The following TOX variants were observed in gnomAD, a reference collection of about 807,000 sequenced individuals.
TOX encodes the protein thymocyte selection associated high mobility group box, also known as thymocyte selection-associated high mobility group box protein TOX.
In TOX, 11 loss-of-function variants were observed where a neutral mutation model predicts 53.7. The observed-to-expected ratio is 0.20, with a 90% CI of 0.13 to 0.34. TOX has a LOEUF of 0.34. Ranked by LOEUF, TOX falls within the 10% of genes least tolerant of loss-of-function variation. The pLI is 1.00. For missense variants in TOX, 570 were observed against 664.6 expected (o/e 0.86, Z 1.56); for synonymous variants, 225 against 245.3 (o/e 0.92, Z 0.77).
rs186718265 is a variant in TOX, at chr8:58,897,042, G to A, written c.411+42260C>T. 5.6e-3 allele frequency among the ~76,000 whole-genome samples: 847 copies of A among 152,150 alleles called. 8 individuals carry two copies. Among genetic ancestry groups the A allele is most frequent in the African/African-American group, 0.019 (791 of 41,506 alleles). On this transcript the variant is annotated intron_variant, in intron 3 of 8. Coordinates refer to ENST00000361421, the MANE Select transcript of TOX (RefSeq NM_014729.3). ...TGTAATTCTTAAAATATTAACCCTG[G>A]AGATAATAATAAAAATATTCCTAAT...
chr8:58,860,494 T>TAAG (rs1393349057), intron 3 of TOX, among the ~76,000 whole-genome samples: 1 of 152,206 alleles, frequency 6.6e-6, no homozygotes, highest in African/African-American at 2.4e-5. Flanking sequence ...GAGGATTAAC[T>TAAG]AAGATAAGGA....
At chr8:58,866,123 C>T (rs1811097109) in intron 3 of TOX, among the ~76,000 whole-genome samples, 1 of 152,216 alleles carries the variant, frequency 6.6e-6, no homozygotes, top group South Asian at 2.1e-4. Flanking sequence ...GCATGAGCCA[C>T]TGTGCCTGGC....
rs187748940 is a variant in TOX at position 59,072,611 on chromosome 8, C to T, written c.102+46275G>A. ...TGAACATAGCCACGTAGTTGCATTT[C>T]ACAGAAATGTGAAACTACTGAGACC... On this transcript the variant is annotated intron_variant, in intron 1 of 8. Coordinates refer to ENST00000361421, the MANE Select transcript of TOX (RefSeq NM_014729.3). Among the ~76,000 whole-genome samples, 331 of 152,300 alleles carry T rather than the reference C, an allele frequency of 2.2e-3. 1 individual carries two copies. Among genetic ancestry groups the T allele is most frequent in the Non-Finnish European group, 2.3e-3 (157 of 68,004 alleles).
intron 3 of TOX, among the ~76,000 whole-genome samples, chr8:58,936,681 A>T (rs1190423382): frequency 2.6e-5 from 4 of 152,180 alleles, no homozygotes; most frequent in African/African-American, 9.7e-5. Context: ...TTTATAGTGT[A>T]TCAGACTCTG....
At chr8:59,061,485 A>G (rs989309051) in intron 1 of TOX, among the ~76,000 whole-genome samples, 2 of 152,168 alleles carry the variant, frequency 1.3e-5, no homozygotes, top group Non-Finnish European at 2.9e-5. Flanking sequence ...TTTCTCTGTG[A>G]TGGCCTCTTC....
At chr8:58,939,025 G>A (rs748715765) in intron 3 of TOX, among the ~76,000 whole-genome samples, 5 of 152,116 alleles carry the variant, frequency 3.3e-5, no homozygotes, top group Admixed American at 6.5e-5. Flanking sequence ...CTGGTAAGCC[G>A]GTTTGACTCT....
intron 1 of TOX, among the ~76,000 whole-genome samples, chr8:58,976,567 T>C (rs937957836): frequency 1.3e-5 from 2 of 152,228 alleles, no homozygotes; most frequent in East Asian, 3.8e-4. Context: ...TGAATGTTCT[T>C]AATGGCAACT....
chr8:59,084,472 A>AT (rs1804473374), intron 1 of TOX, among the ~76,000 whole-genome samples: 1 of 152,176 alleles, frequency 6.6e-6, no homozygotes, highest in South Asian at 2.1e-4. Flanking sequence ...ATATCATGTT[A>AT]TTTTAAACTA....
chr8:58,995,374 C>T (rs944314131), intron 1 of TOX, among the ~76,000 whole-genome samples: 2 of 152,130 alleles, frequency 1.3e-5, no homozygotes, highest in Non-Finnish European at 2.9e-5. Flanking sequence ...CTTAGGAATC[C>T]CAAATTTCTT....
chr8:59,114,006 G>A (rs879608849), intron 1 of TOX, among the ~76,000 whole-genome samples: 3 of 152,036 alleles, frequency 2.0e-5, no homozygotes, highest in Non-Finnish European at 4.4e-5. Flanking sequence ...CACAAAAAAC[G>A]TATGACCACT....
At chr8:58,824,547 T>C (rs1810336099) in intron 6 of TOX, among the ~76,000 whole-genome samples, 1 of 152,218 alleles carries the variant, frequency 6.6e-6, no homozygotes, top group South Asian at 2.1e-4. Flanking sequence ...TAGCACTGCC[T>C]GGCCAGCTCT....
At chr8:58,963,395 GT>G (rs1307028638) in intron 1 of TOX, among the ~76,000 whole-genome samples, 1 of 152,044 alleles carries the variant, frequency 6.6e-6, no homozygotes, top group Non-Finnish European at 1.5e-5. Context: ...CATCCAGTTG[GT>G]TTTGTTTCTC....
intron 6 of TOX, among the ~76,000 whole-genome samples, chr8:58,824,900 C>T (rs2129165664): frequency 6.6e-6 from 1 of 152,240 alleles, no homozygotes; most frequent in East Asian, 1.9e-4. Flanking sequence ...TTGGTTGGCA[C>T]ATGGTGGTTC....
intron 1 of TOX, among the ~76,000 whole-genome samples, chr8:58,984,544 G>A (rs955843445): frequency 6.6e-6 from 1 of 152,118 alleles, no homozygotes; most frequent in African/African-American, 2.4e-5. Context: ...CGTAATCCCA[G>A]CACTTTGGGA....
At chr8:59,002,715 G>T (rs1420143254) in intron 1 of TOX, among the ~76,000 whole-genome samples, 1 of 151,966 alleles carries the variant, frequency 6.6e-6, no homozygotes, top group Admixed American at 6.6e-5. Context: ...TAGTTATAAT[G>T]ATTTTTCTTA....
rs1439720472 is a variant in TOX at position 58,806,679 on chromosome 8, T to C, written c.*1068A>G. On this transcript the variant is annotated 3_prime_UTR_variant, in exon 9 of 9. Coordinates refer to ENST00000361421, the MANE Select transcript of TOX (RefSeq NM_014729.3). ...TGAAAAGCAGGTTTGGCTTTATTCA[T>C]GTTACTGTAAAAACTAAATAATAAA... is the stretch of plus-strand genomic sequence containing the variant. 2.0e-5 allele frequency: 3 copies of C among 152,688 alleles called. No homozygotes were observed. The highest frequency in any genetic ancestry group is 2.1e-4 in the South Asian group (1 of 4,836). The allele number at this position is 152,688 out of a possible 1,614,324, so 9.5% of individuals were successfully genotyped here. A position where few individuals can be genotyped will look rare whatever the true frequency, so the allele number is the denominator to read the frequency against.
intron 3 of TOX, among the ~76,000 whole-genome samples, chr8:58,861,167 C>T (rs1020381948): frequency 6.6e-6 from 1 of 152,162 alleles, no homozygotes; most frequent in Non-Finnish European, 1.5e-5. Flanking sequence ...GGGCAACAGG[C>T]AAAGTTTACT....
chr8:59,109,781 C>A (rs770182921), intron 1 of TOX, among the ~76,000 whole-genome samples: 1 of 152,072 alleles, frequency 6.6e-6, no homozygotes, highest in Admixed American at 6.6e-5. Context: ...GGCTGGTAAT[C>A]GCCGACGAAA....
intron 3 of TOX, among the ~76,000 whole-genome samples, chr8:58,864,653 C>T: frequency 6.6e-6 from 1 of 152,120 alleles, no homozygotes; most frequent in East Asian, 1.9e-4. Flanking sequence ...CCATCAAAAC[C>T]TTTCTTTATA....
Sources: gnomAD v4.1 joint callset for allele counts (sites outside exome capture counted in the v4.1 genomes callset) on GRCh38, gnomAD v4.1.1 for gene constraint, MANE v1.5 for transcripts, NCBI Gene and HGNC (gene_info 2026-07-23, HGNC 2026-07-21) for gene names.